FBXL7: variants seen among roughly 807,000 people sequenced by gnomAD.
The protein encoded by FBXL7 is F-box and leucine rich repeat protein 7.
FBXL7 carries 12 observed loss-of-function variants against 38.3 expected under a neutral mutation model. That is an observed-to-expected ratio of 0.31 (90% confidence interval 0.20 to 0.51). The LOEUF (loss-of-function observed/expected upper bound fraction) is 0.51, where lower values mean the gene tolerates loss of function less well. FBXL7 is among the 20% of genes least tolerant of loss of function. FBXL7 has a pLI of 0.98. For missense variants in FBXL7, 567 were observed against 676.4 expected (o/e 0.84, Z 1.79); for synonymous variants, 297 against 300.9 (o/e 0.99, Z 0.13).
rs1189717093 is a variant in FBXL7 at position 15,851,627 on chromosome 5, A to G, written c.128-76263A>G. On this transcript the variant is annotated intron_variant, in intron 2 of 3. Coordinates refer to ENST00000504595, the MANE Select transcript of FBXL7 (RefSeq NM_012304.5). The stretch of plus-strand genomic sequence containing the variant: ...AATTCTCAAGGCTAAATCCATATAA[A>G]TTAAATAAATATTATTTTCCATGTC... Among the ~76,000 whole-genome samples the G allele has an allele frequency of 1.3e-4, 20 of 152,108 alleles. 1 individual carries two copies. Among genetic ancestry groups the G allele is most frequent in the Admixed American group, 1.3e-3 (20 of 15,274 alleles).
At chr5:15,676,033 T>C (rs1024414262) in intron 2 of FBXL7, among the ~76,000 whole-genome samples, 1 of 152,162 alleles carries the variant, frequency 6.6e-6, no homozygotes, top group African/African-American at 2.4e-5. Flanking sequence ...CTCCATATCA[T>C]TGATAACCTC....
At chr5:15,660,043 C>A (rs1742009122) in intron 2 of FBXL7, among the ~76,000 whole-genome samples, 1 of 152,176 alleles carries the variant, frequency 6.6e-6, no homozygotes, top group African/African-American at 2.4e-5. Context: ...CATCTAACAG[C>A]TTGTTATTTG....
intron 1 of FBXL7, among the ~76,000 whole-genome samples, chr5:15,537,410 T>A (rs1737617224): frequency 6.6e-6 from 1 of 152,204 alleles, no homozygotes; most frequent in Non-Finnish European, 1.5e-5. Context: ...TAATGAAATT[T>A]GAAAAGCCAG....
chr5:15,747,116 G>A (rs1231091664), intron 2 of FBXL7, among the ~76,000 whole-genome samples: 1 of 152,142 alleles, frequency 6.6e-6, no homozygotes, highest in Admixed American at 6.5e-5. Flanking sequence ...AAGATGAGAA[G>A]GGAGGTGGGA....
At chr5:15,886,246 T>G (rs1740673062) in intron 2 of FBXL7, among the ~76,000 whole-genome samples, 1 of 151,978 alleles carries the variant, frequency 6.6e-6, no homozygotes, top group Non-Finnish European at 1.5e-5. Context: ...AATGTATATG[T>G]GCATACCTGT....
At chr5:15,893,556 C>T (rs1471508618) in intron 2 of FBXL7, among the ~76,000 whole-genome samples, 2 of 151,930 alleles carry the variant, frequency 1.3e-5, no homozygotes. Flanking sequence ...TTTCAGTTAA[C>T]TTACTGCATA....
intron 2 of FBXL7, among the ~76,000 whole-genome samples, chr5:15,684,763 G>A (rs1418057799): frequency 6.6e-6 from 1 of 152,082 alleles, no homozygotes; most frequent in Non-Finnish European, 1.5e-5. Flanking sequence ...ATGGAGAAGG[G>A]GCTACAAGTC....
chr5:15,634,313 CTTTTTTTTTTT>C (rs57823645), intron 2 of FBXL7, among the ~76,000 whole-genome samples: 2 of 112,274 alleles, frequency 1.8e-5, no homozygotes, highest in East Asian at 2.6e-4. Context: ...ATGTTCGTTT[CTTTTTTTTTTT>C]TTTTTTTTTT....
chr5:15,816,078 C>T (rs1001967795), intron 2 of FBXL7, among the ~76,000 whole-genome samples: 14 of 151,878 alleles, frequency 9.2e-5, no homozygotes, highest in African/African-American at 2.7e-4. Flanking sequence ...TATGCTTGAC[C>T]TCATCACTGT....
chr5:15,878,479 TC>T (rs1331765311), intron 2 of FBXL7, among the ~76,000 whole-genome samples: 3 of 152,204 alleles, frequency 2.0e-5, no homozygotes, highest in Non-Finnish European at 4.4e-5. Context: ...GATTTAATCT[TC>T]ATAGCCCAGG....
At chr5:15,557,348 G>A (rs1477039654) in intron 1 of FBXL7, among the ~76,000 whole-genome samples, 1 of 152,188 alleles carries the variant, frequency 6.6e-6, no homozygotes, top group African/African-American at 2.4e-5. Context: ...ATACAGAAGT[G>A]AGACTGTAAT....
chr5:15,853,231 G>C (rs548549184), intron 2 of FBXL7, among the ~76,000 whole-genome samples: 2 of 152,166 alleles, frequency 1.3e-5, no homozygotes, highest in African/African-American at 2.4e-5. Flanking sequence ...GAGTGCCATA[G>C]AGCATGGAGA....
intron 1 of FBXL7, among the ~76,000 whole-genome samples, chr5:15,558,941 A>G (rs1423355807): frequency 6.6e-6 from 1 of 152,210 alleles, no homozygotes; most frequent in Non-Finnish European, 1.5e-5. Context: ...GATCTCCACA[A>G]GGTACTTAAC....
intron 2 of FBXL7, among the ~76,000 whole-genome samples, chr5:15,899,277 G>T (rs555654532): frequency 2.0e-5 from 3 of 152,212 alleles, no homozygotes; most frequent in Non-Finnish European, 4.4e-5. Context: ...TGTTGGTCAG[G>T]CTGGTCTTGA....
chr5:15,532,030 A>G (rs1275902927), intron 1 of FBXL7, among the ~76,000 whole-genome samples: 1 of 152,244 alleles, frequency 6.6e-6, no homozygotes, highest in Non-Finnish European at 1.5e-5. Flanking sequence ...GGCTTCTGTA[A>G]TGGTGTCACA....
At chr5:15,701,526 TAC>T (rs1743522780) in intron 2 of FBXL7, among the ~76,000 whole-genome samples, 1 of 152,178 alleles carries the variant, frequency 6.6e-6, no homozygotes, top group African/African-American at 2.4e-5. Context: ...AATTAATTAA[TAC>T]TTAAATATTT....
intron 1 of FBXL7, among the ~76,000 whole-genome samples, chr5:15,505,114 A>G (rs1736609955): frequency 6.6e-6 from 1 of 152,200 alleles, no homozygotes; most frequent in African/African-American, 2.4e-5. Flanking sequence ...ATAAATCTTC[A>G]CAAATCCATC....
chr5:15,625,563 G>A (rs1429032), intron 2 of FBXL7, among the ~76,000 whole-genome samples: 36,996 of 151,990 alleles, frequency 0.24, 4,692 homozygotes, highest in Middle Eastern at 0.3. Flanking sequence ...CTGAGGCCCA[G>A]TAATCCCTTG....
chr5:15,880,419 A>G (rs1740397094), intron 2 of FBXL7, among the ~76,000 whole-genome samples: 1 of 152,188 alleles, frequency 6.6e-6, no homozygotes, highest in Non-Finnish European at 1.5e-5. Flanking sequence ...CAGCAGAAAC[A>G]CAGCTGCTTT....
Sources: allele counts gnomAD v4.1 joint callset (sites outside exome capture counted in the v4.1 genomes callset), GRCh38; gene constraint gnomAD v4.1.1; transcripts MANE v1.5; gene names NCBI Gene and HGNC (gene_info 2026-07-23, HGNC 2026-07-21).